Variants in FOXK1 observed in about 807,000 individuals in gnomAD.
The protein encoded by FOXK1 is forkhead box protein K1.
Under a neutral mutation model 51.9 loss-of-function variants are expected in FOXK1, and 19 were observed. The ratio of observed to expected loss-of-function variants is 0.37; its 90% CI spans 0.26 to 0.54. The LOEUF (loss-of-function observed/expected upper bound fraction) is 0.54. Among genes scored for constraint, FOXK1 ranks in the 20% least tolerant of loss-of-function variants. FOXK1 has a pLI of 0.87. For missense variants in FOXK1, 870 were observed against 1,032.7 expected, an observed-to-expected ratio of 0.84 and a Z score of 2.16; for synonymous variants, 537 against 482.6, an observed-to-expected ratio of 1.11 and a Z score of -1.48.
chr7:4,682,620 G>A lies in FOXK1; in HGVS notation c.312G>A (p.Pro104=), dbSNP rs1321345041. ...CCTCGGTACGGCAGAGCCCGGGGCC[G>A]GCGCTGGCGCGGCTGGAGGGCCGCG... ...AAASVRQSPG[P]ALARLEGREF... is the part of the protein sequence containing the mutation. Residue 104 remains proline (P), a synonymous_variant, in exon 1 of 9, where the codon CCG becomes CCA. Coordinates refer to ENST00000328914, the MANE Select transcript of FOXK1 (RefSeq NM_001037165.2). The surrounding 1 kb of genome is among the most constrained non-coding windows in gnomAD (Gnocchi z 7.6). 9 of 1,516,346 alleles carry A rather than the reference G, an allele frequency of 5.9e-6. No individual in the cohort carries two copies. The highest frequency in any genetic ancestry group is 7.9e-6 in the Non-Finnish European group (9 of 1,138,488). 93.9% of individuals were successfully genotyped at this position (1,516,346 alleles called of 1,614,324 possible). A position where few individuals can be genotyped will look rare whatever the true frequency, so the allele number is the denominator to read the frequency against.
rs1182635931 is a variant in FOXK1, at chr7:4,761,425, G to C, written c.1921+137G>C. The C allele has an allele frequency of 3.0e-5, 28 of 927,364 alleles. No individual in the cohort carries two copies. The highest frequency in any genetic ancestry group is 3.3e-4 in the Middle Eastern group (1 of 3,034). 57.4% of individuals were successfully genotyped at this position (927,364 alleles called of 1,614,324 possible). On this transcript the variant is annotated intron_variant, in intron 8 of 8. Transcript: ENST00000328914. The surrounding 1 kb of genome is among the most constrained non-coding windows in gnomAD (Gnocchi z 6.2). ...TTTATTGAGCACCTGCTATACTCCAGGCACTGGGGTAATGCAAAGAAAAAG... is the reference window on the plus strand; with the variant it reads ...TTTATTGAGCACCTGCTATACTCCACGCACTGGGGTAATGCAAAGAAAAAG...
At chr7:4,692,257 G>A (rs377374587) in intron 1 of FOXK1, among the ~76,000 whole-genome samples, 30 of 152,280 alleles carry the variant, frequency 2.0e-4, no homozygotes, top group East Asian at 1.5e-3. Context: ...GCTGTGATGC[G>A]TGTTCAGGCT....
At chr7:4,740,610 AAAAATAAAAT>A (rs532991860) in intron 1 of FOXK1, among the ~76,000 whole-genome samples, 1 of 152,056 alleles carries the variant, frequency 6.6e-6, no homozygotes, top group South Asian at 2.1e-4. Flanking sequence ...CTCCCTCTCA[AAAAATAAAAT>A]AAAATAAAAT....
rs1466960345 is a variant in FOXK1 at position 4,767,577 on chromosome 7, C to A, written c.*5113C>A. The A allele has an allele frequency of 6.6e-6, 1 of 152,232 alleles. No homozygotes were observed. The highest frequency in any genetic ancestry group is 2.4e-5 in the African/African-American group (1 of 41,460). The allele number at this position is 152,232 out of a possible 1,614,324, so 9.4% of individuals were successfully genotyped here. A position where few individuals can be genotyped will look rare whatever the true frequency, so the allele number is the denominator to read the frequency against. ...TAGACGGGACTCAGCTCCAGAGGTT[C>A]CTGGGTAATGTATTGTGGCTCTTGG... On this transcript the variant is annotated 3_prime_UTR_variant, in exon 9 of 9. Transcript: ENST00000328914. This position sits in a 1 kb window ranked among gnomAD's most constrained non-coding sequence, Gnocchi z 6.6.
intron 1 of FOXK1, among the ~76,000 whole-genome samples, chr7:4,701,788 G>T (rs1254990326): frequency 6.6e-6 from 1 of 152,262 alleles, no homozygotes; most frequent in Non-Finnish European, 1.5e-5. Context: ...AGCTACTCGG[G>T]AGGCTGAGGC....
At position 4,735,780 on chromosome 7, in the gene FOXK1, C is replaced by T. The variant is rs540570659; in HGVS notation, c.561-5058C>T. Among the ~76,000 whole-genome samples, 2 of 152,332 alleles carry T rather than the reference C, an allele frequency of 1.3e-5. No homozygotes were observed. The highest frequency in any genetic ancestry group is 3.9e-4 in the East Asian group (2 of 5,182). On this transcript the variant is annotated intron_variant, in intron 1 of 8. Transcript: ENST00000328914. The surrounding 1 kb of genome is among the most constrained non-coding windows in gnomAD (Gnocchi z 4.7). The stretch of plus-strand genomic sequence containing the variant: ...CAAAACGTGCTCGTTCAGACTCCAG[C>T]TAGAGCCCTGCACCTCCATCAAGAT...
intron 1 of FOXK1, among the ~76,000 whole-genome samples, chr7:4,685,258 C>A (rs532895111): frequency 1.5e-5 from 2 of 136,730 alleles, no homozygotes; most frequent in South Asian, 4.6e-4. Context: ...TGGAGTCTCG[C>A]TCTGTTGTCC....
chr7:4,699,469 G>A (rs1332923280), intron 1 of FOXK1, among the ~76,000 whole-genome samples: 1 of 151,778 alleles, frequency 6.6e-6, no homozygotes, highest in African/African-American at 2.4e-5. Context: ...CCCAGGTCAA[G>A]CGATTGTCCT....
At position 4,763,615 on chromosome 7, in the gene FOXK1, A is replaced by G. The variant is rs1381440710; in HGVS notation, c.*1151A>G. On this transcript the variant is annotated 3_prime_UTR_variant, in exon 9 of 9. Coordinates refer to ENST00000328914, the MANE Select transcript of FOXK1 (RefSeq NM_001037165.2). ...TCCACGCCCAGCCCCCGCCAACGCG[A>G]CTGGTTTTGTTTGCCACACGGTGAG... 6.6e-6 allele frequency: 1 copy of G among 152,342 alleles called. No individual in the cohort carries two copies. The highest frequency in any genetic ancestry group is 1.5e-5 in the Non-Finnish European group (1 of 68,140). 9.4% of individuals were successfully genotyped at this position (152,342 alleles called of 1,614,324 possible).
chr7:4,751,847 C>T (rs1333200573), intron 2 of FOXK1, among the ~76,000 whole-genome samples: 1 of 152,240 alleles, frequency 6.6e-6, no homozygotes, highest in African/African-American at 2.4e-5. Context: ...GAGAAACCAC[C>T]CTACTCTCTC....
Position 4,755,263 on chromosome 7 carries a change from C to T in FOXK1, c.930C>T (p.Tyr310=), listed in dbSNP as rs200771103. Residue 310 remains tyrosine, a synonymous_variant, in exon 4 of 9, where the codon TAC becomes TAT. Transcript: ENST00000328914. The surrounding 1 kb of genome is among the most constrained non-coding windows in gnomAD (Gnocchi z 6.6). ...PKDESKPPFS[Y]AQLIVQAISS... ...ATGAGTCAAAGCCGCCGTTCTCCTA[C>T]GCGCAGCTGATCGTGCAGGCCATCT... The T allele has an allele frequency of 1.5e-4, 250 of 1,614,012 alleles. No homozygotes were observed. The highest frequency in any genetic ancestry group is 5.3e-5 in the African/African-American group (4 of 75,050).
chr7:4,731,950 C>T lies in FOXK1; in HGVS notation c.561-8888C>T, dbSNP rs540440760. Among the ~76,000 whole-genome samples the T allele has an allele frequency of 3.3e-4, 51 of 152,314 alleles. No homozygotes were observed. Among genetic ancestry groups the T allele is most frequent in the African/African-American group, 1.0e-3 (43 of 41,564 alleles). On this transcript the variant is annotated intron_variant, in intron 1 of 8. Transcript: ENST00000328914. This position sits in a 1 kb window ranked among gnomAD's most constrained non-coding sequence, Gnocchi z 5.3. ...CACGGCATGGAGACCTGAGGCCACACGGAGGCCGGGCTGGCCAGGGCGGGG... is the reference window on the plus strand; with the variant it reads ...CACGGCATGGAGACCTGAGGCCACATGGAGGCCGGGCTGGCCAGGGCGGGG...
chr7:4,682,335 C>T lies in FOXK1; in HGVS notation c.27C>T (p.Gly9=), dbSNP rs1178941284. ...TGGCCGAAGTCGGCGAGGACAGCGG[C>T]GCCCGCGCCCTGCTCGCGCTGCGCT... MAEVGEDS[G]ARALLALRSA... Residue 9 remains glycine, a synonymous_variant, in exon 1 of 9, where the codon GGC becomes GGT. Coordinates refer to ENST00000328914, the MANE Select transcript of FOXK1 (RefSeq NM_001037165.2). This position sits in a 1 kb window ranked among gnomAD's most constrained non-coding sequence, Gnocchi z 7.6. 2.0e-6 allele frequency: 2 copies of T among 993,386 alleles called. No homozygotes were observed. Among genetic ancestry groups the T allele is most frequent in the African/African-American group, 1.8e-5 (1 of 56,808 alleles). 61.5% of individuals were successfully genotyped at this position (993,386 alleles called of 1,614,324 possible).
rs149607578 is a variant in FOXK1, at chr7:4,727,207, C to G, written c.561-13631C>G. ...CCTCAAGTGATCCTCCCACTTTGGC[C>G]TCTCAAAGTGTTGGGATTACAGGCG... On this transcript the variant is annotated intron_variant, in intron 1 of 8. Coordinates refer to ENST00000328914, the MANE Select transcript of FOXK1 (RefSeq NM_001037165.2). 4.8e-3 allele frequency among the ~76,000 whole-genome samples: 738 copies of G among 152,300 alleles called. 6 individuals are homozygous for G. The highest frequency in any genetic ancestry group is 0.017 in the African/African-American group (710 of 41,546).
At chr7:4,760,206 T>C (rs1047251807) in intron 7 of FOXK1, among the ~76,000 whole-genome samples, 2 of 152,214 alleles carry the variant, frequency 1.3e-5, no homozygotes, top group African/African-American at 2.4e-5. Context: ...CTGGGAAGAC[T>C]GTTCTTTTCG....
Position 4,755,179 on chromosome 7 carries a change from G to T in FOXK1, c.904-58G>T. 6.3e-7 allele frequency: 1 copy of T among 1,589,380 alleles called. No individual in the cohort carries two copies. The highest frequency in any genetic ancestry group is 8.6e-7 in the Non-Finnish European group (1 of 1,163,644). On this transcript the variant is annotated intron_variant, in intron 3 of 8. Coordinates refer to ENST00000328914, the MANE Select transcript of FOXK1 (RefSeq NM_001037165.2). This position sits in a 1 kb window ranked among gnomAD's most constrained non-coding sequence, Gnocchi z 6.6. ...CCTCCCCATCAGCTGTGACGGGTGG[G>T]TGGGGTAGACTCAGGGACCTTGCTG...
In FOXK1 at chr7:4,762,112, T is replaced by A. The variant is rs1293941640; in HGVS notation, c.1922-72T>A. The A allele has an allele frequency of 1.1e-5, 16 of 1,489,556 alleles. No individual in the cohort carries two copies. The highest frequency in any genetic ancestry group is 1.4e-5 in the Non-Finnish European group (15 of 1,108,988). The allele number at this position is 1,489,556 out of a possible 1,614,324, so 92.3% of individuals were successfully genotyped here. A position where few individuals can be genotyped will look rare whatever the true frequency, so the allele number is the denominator to read the frequency against. ...TTCCGGCTTGGTGGCTTAGCCCCTG[T>A]ATAGGGGACTTGAAAAAAGCAGCTG... On this transcript the variant is annotated intron_variant, in intron 8 of 8. Coordinates refer to ENST00000328914, the MANE Select transcript of FOXK1 (RefSeq NM_001037165.2). The surrounding 1 kb of genome is among the most constrained non-coding windows in gnomAD (Gnocchi z 5.7).
intron 1 of FOXK1, among the ~76,000 whole-genome samples, chr7:4,684,078 C>A (rs530037315): frequency 6.6e-6 from 1 of 152,208 alleles, no homozygotes; most frequent in African/African-American, 2.4e-5. Context: ...CCGCCCATTC[C>A]GGTTCCCTCC....
rs538777709 is a variant in FOXK1, at chr7:4,745,303, A to G, written c.746+4280A>G. 1.3e-5 allele frequency among the ~76,000 whole-genome samples: 2 copies of G among 152,184 alleles called. No homozygotes were observed. The highest frequency in any genetic ancestry group is 3.9e-4 in the East Asian group (2 of 5,150). ...AGGCCGGGCTCGCCCAGGGCCCCTCATTCCCAGGAGTCGGGAGTGGCTTGG... is the reference window on the plus strand; with the variant it reads ...AGGCCGGGCTCGCCCAGGGCCCCTCGTTCCCAGGAGTCGGGAGTGGCTTGG... On this transcript the variant is annotated intron_variant, in intron 2 of 8. Transcript: ENST00000328914. This position sits in a 1 kb window ranked among gnomAD's most constrained non-coding sequence, Gnocchi z 4.3.
Sources: allele counts gnomAD v4.1 joint callset (sites outside exome capture counted in the v4.1 genomes callset), GRCh38; gene constraint gnomAD v4.1.1; non-coding constraint Gnocchi (gnomAD v3.1); transcripts MANE v1.5; gene names NCBI Gene and HGNC (gene_info 2026-07-23, HGNC 2026-07-21).